EGLN1: variants seen among roughly 807,000 people sequenced by gnomAD.
EGLN1 encodes egl-9 family hypoxia inducible factor 1, also known as egl nine homolog 1.
EGLN1 carries 17 observed loss-of-function variants against 38.3 expected under a neutral mutation model. The ratio of observed to expected loss-of-function variants is 0.44; its 90% CI spans 0.30 to 0.67. The LOEUF (loss-of-function observed/expected upper bound fraction) is 0.67, where lower values mean the gene tolerates loss of function less well. Among genes scored for constraint, EGLN1 ranks in the 30% least tolerant of loss-of-function variants. The pLI, the probability that EGLN1 is intolerant of heterozygous loss-of-function variation, is 0.08. For missense variants in EGLN1, 477 were observed against 603.3 expected, an observed-to-expected ratio of 0.79 and a Z score of 2.19; for synonymous variants, 283 against 257.5, an observed-to-expected ratio of 1.10 and a Z score of -0.95.
intron 1 of EGLN1, among the ~76,000 whole-genome samples, chr1:231,395,838 T>C (rs1688510610): frequency 6.6e-6 from 1 of 152,020 alleles, no homozygotes; most frequent in South Asian, 2.1e-4. Flanking sequence ...TGATTCAGAA[T>C]CTCCACTTTA....
Position 231,421,719 on chromosome 1 carries a change from A to G in EGLN1, c.170T>C (p.Val57Ala). 6.5e-7 allele frequency: 1 copy of G among 1,528,224 alleles called. No individual in the cohort carries two copies. 94.7% of individuals were successfully genotyped at this position (1,528,224 alleles called of 1,614,324 possible). A position where few individuals can be genotyped will look rare whatever the true frequency, so the allele number is the denominator to read the frequency against. ...GAGGGCGCCCTCGCTGCCCTGGCACACGAGCTTGTGCTTCTTCCAGTCCTG... is the reference window on the plus strand; with the variant it reads ...GAGGGCGCCCTCGCTGCCCTGGCACGCGAGCTTGTGCTTCTTCCAGTCCTG... ...QRQDWKKHKL[V>A]CQGSEGALGH... Residue 57 changes from valine (V) to alanine (A), a missense_variant, in exon 1 of 5, where the codon GTG (valine) becomes GCG (alanine). By Grantham distance (64) the Val-to-Ala change is moderately conservative. This residue lies in a region of EGLN1 where 298 missense variants were observed against 288.9 expected (regional missense o/e 1.03). Coordinates refer to ENST00000366641, the MANE Select transcript of EGLN1 (RefSeq NM_022051.3). The surrounding 1 kb of genome is among the most constrained non-coding windows in gnomAD (Gnocchi z 5.5).
In EGLN1 at chr1:231,413,771, C is replaced by T. The variant is rs557605213; in HGVS notation, c.891+7227G>A. On this transcript the variant is annotated intron_variant, in intron 1 of 4. Transcript: ENST00000366641. ...CAAATGAGTGAAAATAGTATCAAAACAGGACTCAGAAAATATAACAAAGGG... is the reference window on the plus strand; with the variant it reads ...CAAATGAGTGAAAATAGTATCAAAATAGGACTCAGAAAATATAACAAAGGG... Among the ~76,000 whole-genome samples, 5 of 152,120 alleles carry T rather than the reference C, an allele frequency of 3.3e-5. No homozygotes were observed. In the South Asian group the frequency reaches 1.0e-3, roughly 32 times the overall value.
intron 1 of EGLN1, among the ~76,000 whole-genome samples, chr1:231,380,302 C>T (rs1379999481): frequency 8.0e-6 from 1 of 125,430 alleles, no homozygotes; most frequent in African/African-American, 3.0e-5. Context: ...GGCGACAGAG[C>T]GAGACTCCGT....
intron 1 of EGLN1, among the ~76,000 whole-genome samples, chr1:231,402,459 G>A (rs906461225): frequency 6.7e-6 from 1 of 148,840 alleles, no homozygotes; most frequent in Non-Finnish European, 1.5e-5. Flanking sequence ...TTTTGAGATG[G>A]AGTCTCACTC....
rs1011397553 is a variant in EGLN1, at chr1:231,421,766, G to A, written c.123C>T (p.Tyr41=). Residue 41 remains tyrosine, a synonymous_variant, in exon 1 of 5, where the codon TAC becomes TAT. Coordinates refer to ENST00000366641, the MANE Select transcript of EGLN1 (RefSeq NM_022051.3). The surrounding 1 kb of genome is among the most constrained non-coding windows in gnomAD (Gnocchi z 5.5). ...LRCSRCRSSF[Y]CCKEHQRQDW... ...CCTGACGCTGGTGCTCCTTGCAGCA[G>A]TAGAAGGAGCTGCGGCAGCGGCTGC... 4 of 1,556,534 alleles carry A rather than the reference G, an allele frequency of 2.6e-6. No individual in the cohort carries two copies. Among genetic ancestry groups the A allele is most frequent in the Admixed American group, 1.8e-5 (1 of 55,528 alleles).
intron 1 of EGLN1, among the ~76,000 whole-genome samples, chr1:231,413,670 T>C (rs1689008148): frequency 6.6e-6 from 1 of 152,146 alleles, no homozygotes; most frequent in Admixed American, 6.5e-5. Context: ...AGGGGGGCTT[T>C]TTGTTGTTAT....
chr1:231,413,596 T>TCTG (rs1184814195), intron 1 of EGLN1, among the ~76,000 whole-genome samples: 1 of 152,136 alleles, frequency 6.6e-6, no homozygotes, highest in Non-Finnish European at 1.5e-5. Context: ...TACTTGTACA[T>TCTG]CTGTTTATTG....
In EGLN1 at chr1:231,421,010, A is replaced by G; in HGVS notation, c.879T>C (p.Asn293=). 6.2e-7 allele frequency: 1 copy of G among 1,613,578 alleles called. No individual in the cohort carries two copies. Among genetic ancestry groups the G allele is most frequent in the Non-Finnish European group, 8.5e-7 (1 of 1,179,932 alleles). ...CNGKLGSYKI[N]GRTKAMVACY... is the part of the protein sequence containing the mutation. ...AGCACACACTTACTTTCGTCCGGCCATTGATTTTGTAGCTGCCCAGCTTCC... is the reference window on the plus strand; with the variant it reads ...AGCACACACTTACTTTCGTCCGGCCGTTGATTTTGTAGCTGCCCAGCTTCC... Residue 293 remains asparagine (N), a synonymous_variant, in exon 1 of 5, where the codon AAT becomes AAC. Coordinates refer to ENST00000366641, the MANE Select transcript of EGLN1 (RefSeq NM_022051.3). The surrounding 1 kb of genome is among the most constrained non-coding windows in gnomAD (Gnocchi z 5.5).
chr1:231,375,173 G>A (rs541376889), intron 1 of EGLN1, among the ~76,000 whole-genome samples: 5 of 151,994 alleles, frequency 3.3e-5, no homozygotes, highest in East Asian at 1.9e-4. Flanking sequence ...CTCCTGCCTC[G>A]GCCTCCCGAG....
At chr1:231,384,646 G>T (rs996369623) in intron 1 of EGLN1, among the ~76,000 whole-genome samples, 1 of 152,178 alleles carries the variant, frequency 6.6e-6, no homozygotes, top group Admixed American at 6.5e-5. Flanking sequence ...AGTCAGACAG[G>T]TAAGGGGTTG....
chr1:231,414,753 A>C (rs1390233699), intron 1 of EGLN1, among the ~76,000 whole-genome samples: 1 of 56,258 alleles, frequency 1.8e-5, no homozygotes, highest in African/African-American at 1.2e-4. Flanking sequence ...TTTTTTTTTG[A>C]GACAGGCTCT....
intron 1 of EGLN1, among the ~76,000 whole-genome samples, chr1:231,399,048 TA>T (rs1688601985): frequency 6.6e-6 from 1 of 152,202 alleles, no homozygotes; most frequent in Non-Finnish European, 1.5e-5. Context: ...AGAAAACATT[TA>T]ATGGCAGTTT....
intron 1 of EGLN1, among the ~76,000 whole-genome samples, chr1:231,415,413 G>T (rs1196860190): frequency 1.3e-5 from 2 of 151,836 alleles, no homozygotes; most frequent in African/African-American, 4.8e-5. Flanking sequence ...AATCTCTCTG[G>T]GACTTTTTTC....
At chr1:231,381,010 T>C (rs2437147) in intron 1 of EGLN1, among the ~76,000 whole-genome samples, 82,876 of 151,912 alleles carry the variant, frequency 0.55, 24,220 homozygotes, top group Non-Finnish European at 0.65. Flanking sequence ...ACTTTGAACA[T>C]CTGGGATCAA....
chr1:231,410,636 C>T (rs1408238717), intron 1 of EGLN1, among the ~76,000 whole-genome samples: 2 of 151,868 alleles, frequency 1.3e-5, no homozygotes, highest in Non-Finnish European at 2.9e-5. Context: ...TGTTCAAGTT[C>T]CTTCTACATA....
intron 3 of EGLN1, among the ~76,000 whole-genome samples, chr1:231,370,072 T>TG (rs1397400051): frequency 7.9e-5 from 12 of 152,224 alleles, no homozygotes; most frequent in Non-Finnish European, 1.5e-4. Context: ...CTCCCACACA[T>TG]GGTAACCTGT....
intron 1 of EGLN1, among the ~76,000 whole-genome samples, chr1:231,409,040 T>C (rs1001691030): frequency 2.0e-5 from 3 of 152,026 alleles, no homozygotes; most frequent in African/African-American, 7.2e-5. Flanking sequence ...AACAGGCTTT[T>C]GTAATAATCC....
At chr1:231,414,509 T>G (rs1363519174) in intron 1 of EGLN1, among the ~76,000 whole-genome samples, 2 of 151,920 alleles carry the variant, frequency 1.3e-5, no homozygotes, top group African/African-American at 4.8e-5. Context: ...CAAGAGAGGG[T>G]AGGCCTACTT....
chr1:231,409,994 A>T (rs745943541), intron 1 of EGLN1, among the ~76,000 whole-genome samples: 1 of 152,136 alleles, frequency 6.6e-6, no homozygotes, highest in Non-Finnish European at 1.5e-5. Flanking sequence ...CCCAGGGGGA[A>T]AAAAAGTGTA....
Sources: gnomAD v4.1 joint callset for allele counts (sites outside exome capture counted in the v4.1 genomes callset) on GRCh38, gnomAD v4.1.1 for gene constraint, gnomAD v4.1.1 regional missense constraint, Gnocchi (gnomAD v3.1) non-coding constraint, MANE v1.5 for transcripts, NCBI Gene and HGNC (gene_info 2026-07-23, HGNC 2026-07-21) for gene names.